The following NR6A1 variants were observed in gnomAD, a reference collection of about 807,000 sequenced individuals.
The protein encoded by NR6A1 is retinoic acid receptor-related testis-associated receptor.
In NR6A1, 7 loss-of-function variants were observed where a neutral mutation model predicts 59.1. The observed-to-expected ratio is 0.12, with a 90% confidence interval of 0.07 to 0.22. The LOEUF (loss-of-function observed/expected upper bound fraction) is 0.22, where lower values mean the gene tolerates loss of function less well. NR6A1 is among the 10% of genes least tolerant of loss of function. NR6A1 has a pLI of 1.00. For synonymous variants in NR6A1, 243 were observed against 236.1 expected (o/e 1.03, Z -0.27); for missense variants, 468 against 611.6 (o/e 0.77, Z 2.48).
At chr9:124,539,832 T>C (rs959718130) in intron 5 of NR6A1, among the ~76,000 whole-genome samples, 1 of 152,198 alleles carries the variant, frequency 6.6e-6, no homozygotes, top group Non-Finnish European at 1.5e-5. Flanking sequence ...AAGAGACCAC[T>C]GACATTTTCA....
intron 5 of NR6A1, among the ~76,000 whole-genome samples, chr9:124,539,213 GA>G (rs906892678): frequency 1.2e-4 from 18 of 147,144 alleles, no homozygotes; most frequent in South Asian, 4.3e-4. Context: ...CATCTCTTAA[GA>G]AAAAAAAAAA....
chr9:124,641,150 G>A (rs536969265), intron 2 of NR6A1, among the ~76,000 whole-genome samples: 37 of 152,112 alleles, frequency 2.4e-4, no homozygotes, highest in Non-Finnish European at 2.5e-4. Context: ...TCAGGAGTTC[G>A]AGACCAGCCT....
chr9:124,548,083 CACTT>C (rs951320247), intron 3 of NR6A1, among the ~76,000 whole-genome samples: 2 of 130,846 alleles, frequency 1.5e-5, no homozygotes, highest in African/African-American at 5.9e-5. Flanking sequence ...GGCACACACA[CACTT>C]ACTTACCTGT....
rs775835832 is a variant in NR6A1 at position 124,540,151 on chromosome 9, G to T, written c.478C>A (p.Gln160Lys). The change falls in exon 5 of 10, where the codon CAG (glutamine) becomes AAG (lysine). Residue 160 changes from glutamine to lysine, a missense_variant. Physicochemically the swap from Gln to Lys is moderately conservative, Grantham distance 53. Transcript: ENST00000487099. ...TGATTGGCCTCTTCCTCAAACTCCT[G>T]CCCAGACATGATCCTTTCGATTTCT... ...EEEIERIMSGQEFEEEANHWS... is the reference protein window; with the variant it reads ...EEEIERIMSGKEFEEEANHWS... The T allele has an allele frequency of 6.2e-7, 1 of 1,613,874 alleles. No homozygotes were observed. The highest frequency in any genetic ancestry group is 8.5e-7 in the Non-Finnish European group (1 of 1,179,890).
intron 2 of NR6A1, among the ~76,000 whole-genome samples, chr9:124,681,070 T>A (rs1473067087): frequency 6.6e-6 from 1 of 152,176 alleles, no homozygotes; most frequent in Non-Finnish European, 1.5e-5. Context: ...TGAGCAAACA[T>A]CTTTTAAAAT....
At chr9:124,768,658 A>G (rs1390680767) in intron 1 of NR6A1, among the ~76,000 whole-genome samples, 1 of 152,234 alleles carries the variant, frequency 6.6e-6, no homozygotes, top group Non-Finnish European at 1.5e-5. Flanking sequence ...TTGCTCGATA[A>G]CATTCTTTCA....
chr9:124,608,001 G>A (rs1835620500), intron 2 of NR6A1, among the ~76,000 whole-genome samples: 2 of 152,240 alleles, frequency 1.3e-5, no homozygotes, highest in South Asian at 2.1e-4. Context: ...GAGCCCAGGA[G>A]GTTGAGGCTA....
chr9:124,707,103 C>T (rs1031045619), intron 2 of NR6A1, among the ~76,000 whole-genome samples: 6 of 152,038 alleles, frequency 3.9e-5, no homozygotes, highest in African/African-American at 1.5e-4. Context: ...TTTCCTGCCC[C>T]TTTCTCTCAT....
rs796916763 is a variant in NR6A1 at position 124,685,849 on chromosome 9, C to T, written c.142+47459G>A. On this transcript the variant is annotated intron_variant, in intron 2 of 9. Transcript: ENST00000487099. ...GAGAGATAGGTCCAAAAACAATAAA[C>T]CAAGTATCAATAGTTTGCCCAAACT... Among the ~76,000 whole-genome samples, 5 of 152,252 alleles carry T rather than the reference C, an allele frequency of 3.3e-5. No individual in the cohort carries two copies. In the South Asian group the frequency reaches 1.0e-3, roughly 32 times the overall value.
chr9:124,658,258 T>TA (rs920787313), intron 2 of NR6A1, among the ~76,000 whole-genome samples: 5 of 152,116 alleles, frequency 3.3e-5, no homozygotes, highest in Admixed American at 2.6e-4. Flanking sequence ...AGTCCTGAAT[T>TA]ACGGCCTCTG....
At chr9:124,743,789 T>C (rs1298282481) in intron 1 of NR6A1, among the ~76,000 whole-genome samples, 1 of 152,232 alleles carries the variant, frequency 6.6e-6, no homozygotes, top group South Asian at 2.1e-4. Flanking sequence ...TCAGAGGTCA[T>C]TAGTGTTTCT....
intron 2 of NR6A1, among the ~76,000 whole-genome samples, chr9:124,603,518 C>A (rs761584291): frequency 6.6e-6 from 1 of 152,154 alleles, no homozygotes; most frequent in African/African-American, 2.4e-5. Context: ...CAATGAAGGG[C>A]TGGTACTGGT....
intron 2 of NR6A1, among the ~76,000 whole-genome samples, chr9:124,641,208 A>G (rs923317188): frequency 3.9e-5 from 6 of 152,062 alleles, no homozygotes; most frequent in African/African-American, 1.2e-4. Flanking sequence ...AAAATAAAAA[A>G]ATTAGCTGAG....
chr9:124,678,546 T>C (rs1419358862), intron 2 of NR6A1, among the ~76,000 whole-genome samples: 1 of 152,188 alleles, frequency 6.6e-6, no homozygotes, highest in African/African-American at 2.4e-5. Flanking sequence ...AGAAAGGTTG[T>C]TGGAAGCATT....
chr9:124,665,623 T>G (rs544837092), intron 2 of NR6A1, among the ~76,000 whole-genome samples: 1 of 152,278 alleles, frequency 6.6e-6, no homozygotes, highest in East Asian at 1.9e-4. Flanking sequence ...GTAAAGCATG[T>G]TTCCTTCATC....
chr9:124,751,808 A>C (rs1218614114), intron 1 of NR6A1, among the ~76,000 whole-genome samples: 1 of 152,226 alleles, frequency 6.6e-6, no homozygotes, highest in African/African-American at 2.4e-5. Context: ...AAAAATCCTC[A>C]ATTTCTTTCA....
At chr9:124,566,988 G>A (rs553901653) in intron 2 of NR6A1, among the ~76,000 whole-genome samples, 390 of 150,882 alleles carry the variant, frequency 2.6e-3, no homozygotes, top group Non-Finnish European at 4.0e-3. Context: ...GGCGCCTGTA[G>A]TCCCAGCTAC....
At chr9:124,739,731 A>C (rs900448729) in intron 1 of NR6A1, among the ~76,000 whole-genome samples, 1 of 152,278 alleles carries the variant, frequency 6.6e-6, no homozygotes, top group African/African-American at 2.4e-5. Context: ...TTTTGACTAT[A>C]AAATTGTAAA....
intron 1 of NR6A1, among the ~76,000 whole-genome samples, chr9:124,764,935 C>A (rs1448436234): frequency 6.6e-6 from 1 of 152,202 alleles, no homozygotes; most frequent in East Asian, 1.9e-4. Flanking sequence ...TCAGCAGGGC[C>A]CATAGAACTG....
Sources: allele counts gnomAD v4.1 joint callset (sites outside exome capture counted in the v4.1 genomes callset), GRCh38; gene constraint gnomAD v4.1.1; transcripts MANE v1.5; gene names NCBI Gene and HGNC (gene_info 2026-07-23, HGNC 2026-07-21).